The following CT55 variants were observed in gnomAD, a reference collection of about 807,000 sequenced individuals.
The protein encoded by CT55 is BRCA2-interacting protein.
A neutral mutation model predicts 12.6 loss-of-function variants in CT55; 1 was observed. The observed-to-expected ratio is 0.08, with a 90% CI of 0.03 to 0.38. The LOEUF (loss-of-function observed/expected upper bound fraction) is 0.38, where lower values mean the gene tolerates loss of function less well. Ranked by LOEUF, CT55 falls within the 10% of genes least tolerant of loss-of-function variation. The probability of loss-of-function intolerance (pLI) is 0.99; values close to 1 mark genes in which losing one functional copy is unlikely to be tolerated. For missense variants in CT55, 109 were observed against 135.4 expected (o/e 0.80, Z 0.97); for synonymous variants, 43 against 49.7 (o/e 0.87, Z 0.57).
chrX:135,166,086 C>T (rs1283241138), intron 2 of CT55, among the ~76,000 whole-genome samples: 1 of 97,309 alleles, frequency 1.0e-5, no homozygotes, highest in Non-Finnish European at 2.0e-5. Flanking sequence ...CGAACACTTC[C>T]GAACTCATTC....
At chrX:135,162,939 T>C (rs2083568604) in intron 2 of CT55, among the ~76,000 whole-genome samples, 1 of 111,636 alleles carries the variant, frequency 9.0e-6, no homozygotes, top group Non-Finnish European at 1.9e-5. Flanking sequence ...CCAGCCTCAA[T>C]AGCTAGGGGA....
At chrX:135,158,069 T>C (rs1290930008) in intron 4 of CT55, 130 bp downstream of exon 4, 1 of 407,376 alleles carries the variant, frequency 2.5e-6, no homozygotes, top group African/African-American at 2.6e-5. Context: ...GGCTCCTTTG[T>C]TGGCAAAGAA....
At chrX:135,168,716 AT>A (rs1556406332) in intron 2 of CT55, among the ~76,000 whole-genome samples, 2 of 111,671 alleles carry the variant, frequency 1.8e-5, no homozygotes, top group Non-Finnish European at 3.8e-5. Context: ...AAGTGGGCCA[AT>A]TGTATAGTCA....
chrX:135,158,157 G>T, intron 4 of CT55, 42 bp downstream of exon 4: 1 of 837,516 alleles, frequency 1.2e-6, no homozygotes, highest in Non-Finnish European at 1.8e-6. Context: ...CAAAGGAAGA[G>T]TTAGCAGAAA....
Position 135,158,459 on chromosome X carries a change from T to C in CT55, c.425-148A>G, listed in dbSNP as rs1162168897. 6.4e-5 allele frequency: 26 copies of C among 404,369 alleles called. No homozygotes were observed. In the South Asian group the frequency reaches 1.1e-3, roughly 17 times the overall value. The allele number at this position is 404,369 out of a possible 1,213,427, so 33.3% of individuals were successfully genotyped here. On this transcript the variant is annotated intron_variant, in intron 3 of 5. Coordinates refer to ENST00000276241, the MANE Select transcript of CT55 (RefSeq NM_001031705.3). ...TGCATATTTAAACAGACACTACAAA[T>C]CTCTAAGTCCAAAAAGAAGTTTATA...
At chrX:135,169,140 C>G (rs781980382) in intron 2 of CT55, among the ~76,000 whole-genome samples, 14 of 112,087 alleles carry the variant, frequency 1.2e-4, no homozygotes, top group Non-Finnish European at 2.6e-4. Context: ...GTGATGTTGC[C>G]AGGACTCCGT....
At chrX:135,160,641 A>T in intron 2 of CT55, 86 bp from the exon 3 acceptor site, 1 of 1,032,636 alleles carries the variant, frequency 9.7e-7, no homozygotes, top group Non-Finnish European at 1.3e-6. Flanking sequence ...GTATTCAAAA[A>T]TATTTTCAAC....
rs142612052 is a variant in CT55 at position 135,160,915 on chromosome X, G to A, written c.280-360C>T. Among the ~76,000 whole-genome samples, 528 of 111,791 alleles carry A rather than the reference G, an allele frequency of 4.7e-3. 3 individuals carry two copies. The highest frequency in any genetic ancestry group is 0.017 in the African/African-American group (513 of 30,729). The stretch of plus-strand genomic sequence containing the variant: ...GGTTGCGATGAAGGATATAAAACTA[G>A]TTCAAAGATGGTTTCTGTGAATTAT... On this transcript the variant is annotated intron_variant, in intron 2 of 5. Transcript: ENST00000276241.
chrX:135,170,282 C>T (rs2083605226), intron 1 of CT55, among the ~76,000 whole-genome samples: 1 of 112,604 alleles, frequency 8.9e-6, no homozygotes, highest in Admixed American at 9.4e-5. Flanking sequence ...GCTGGGATTA[C>T]AGGTGTGAGC....
At chrX:135,159,448 C>T (rs1483171718) in intron 3 of CT55, among the ~76,000 whole-genome samples, 1 of 111,257 alleles carries the variant, frequency 9.0e-6, no homozygotes, top group Non-Finnish European at 1.9e-5. Context: ...CACAAACTGG[C>T]AACTCCACTC....
intron 2 of CT55, among the ~76,000 whole-genome samples, chrX:135,161,866 G>A (rs1311641914): frequency 3.6e-5 from 4 of 112,388 alleles, no homozygotes; most frequent in African/African-American, 1.3e-4. Context: ...TGAGGCATTA[G>A]CCTCCCATCC....
At position 135,163,117 on chromosome X, in the gene CT55, G is replaced by A. The variant is rs1217676829; in HGVS notation, c.280-2562C>T. Reference sequence around the variant, plus strand: ...CCCTAAAAGCTAGACTGCAAAGACCGAAATGGATACCTACTTCTTCAATAC... The same window carrying A: ...CCCTAAAAGCTAGACTGCAAAGACCAAAATGGATACCTACTTCTTCAATAC... On this transcript the variant is annotated intron_variant, in intron 2 of 5. Coordinates refer to ENST00000276241, the MANE Select transcript of CT55 (RefSeq NM_001031705.3). 1.5e-4 allele frequency among the ~76,000 whole-genome samples: 17 copies of A among 112,081 alleles called. 1 individual carries two copies. Among genetic ancestry groups the A allele is most frequent in the Non-Finnish European group, 2.8e-4 (15 of 53,239 alleles).
At chrX:135,161,066 G>T (rs1296294095) in intron 2 of CT55, among the ~76,000 whole-genome samples, 1 of 109,730 alleles carries the variant, frequency 9.1e-6, no homozygotes, top group Non-Finnish European at 1.9e-5. Flanking sequence ...AACAACAGAA[G>T]TTAGGAGCCT....
chrX:135,162,571 A>C (rs1556405341), intron 2 of CT55, among the ~76,000 whole-genome samples: 1 of 111,954 alleles, frequency 8.9e-6, no homozygotes, highest in Non-Finnish European at 1.9e-5. Context: ...AGAGGGTAGT[A>C]AGGACAGTTT....
At position 135,168,996 on chromosome X, in the gene CT55, C is replaced by A. The variant is rs142268429; in HGVS notation, c.279+598G>T. 1.1e-4 allele frequency among the ~76,000 whole-genome samples: 12 copies of A among 111,990 alleles called. No homozygotes were observed. In the South Asian group the frequency reaches 4.4e-3, roughly 42 times the overall value. ...TCTCATATGTGCAAAGATTTCAGAT[C>A]GATAGTATTGTTGTCCTTGCCTATA... is the stretch of plus-strand genomic sequence containing the variant. On this transcript the variant is annotated intron_variant, in intron 2 of 5. Transcript: ENST00000276241.
At chrX:135,161,772 T>C (rs1367130154) in intron 2 of CT55, among the ~76,000 whole-genome samples, 2 of 112,632 alleles carry the variant, frequency 1.8e-5, no homozygotes, top group Admixed American at 9.4e-5. Flanking sequence ...AGTTTGCTGC[T>C]ATTCTCATTT....
chrX:135,169,625 T>C lies in CT55; in HGVS notation c.248A>G (p.Asp83Gly), dbSNP rs782682774. 19 of 1,207,856 alleles carry C rather than the reference T, an allele frequency of 1.6e-5. No individual in the cohort carries two copies. Among genetic ancestry groups the C allele is most frequent in the Non-Finnish European group, 1.8e-5 (16 of 894,052 alleles). The part of the protein sequence containing the change: ...GQKVNVVVEE[D>G]KPHYGLRAIK... ...TGCTCTCAATCCATAATGTGGTTTATCTTCTTCCACAACCACATTAACTTT... is the reference window on the plus strand; with the variant it reads ...TGCTCTCAATCCATAATGTGGTTTACCTTCTTCCACAACCACATTAACTTT... Residue 83 changes from aspartate to glycine, a missense_variant, in exon 2 of 6, where the codon GAT becomes GGT. Transcript: ENST00000276241.
chrX:135,170,066 G>T (rs1239468290), intron 1 of CT55, among the ~76,000 whole-genome samples: 5 of 111,434 alleles, frequency 4.5e-5, no homozygotes, highest in African/African-American at 1.6e-4. Context: ...GAGTGCAGTG[G>T]CGCAATCTGG....
Position 135,171,128 on chromosome X carries a change from G to A in CT55, c.44C>T (p.Thr15Met), listed in dbSNP as rs185678941. 16 of 1,209,861 alleles carry A rather than the reference G, an allele frequency of 1.3e-5. No individual in the cohort carries two copies. The East Asian group carries it at 1.8e-4, about 13-fold the overall frequency. ...LRLALAFYGR[T>M]ADPAERQGPQ... ...GCCCTGTCGCTCTGCAGGGTCGGCCGTCCTCCCGTAGAAGGCCAAAGCAAG... is the reference window on the plus strand; with the variant it reads ...GCCCTGTCGCTCTGCAGGGTCGGCCATCCTCCCGTAGAAGGCCAAAGCAAG... The change falls in exon 1 of 6, where the codon ACG becomes ATG. Residue 15 changes from threonine to methionine, a missense_variant. By Grantham distance (81) the Thr-to-Met change is moderately conservative (BLOSUM62 -1). Transcript: ENST00000276241.
Sources: gnomAD v4.1 joint callset for allele counts (sites outside exome capture counted in the v4.1 genomes callset) on GRCh38, gnomAD v4.1.1 for gene constraint, MANE v1.5 for transcripts, NCBI Gene and HGNC (gene_info 2026-07-23, HGNC 2026-07-21) for gene names.